Variants in SUSD4 observed in about 807,000 individuals in gnomAD.
SUSD4 encodes the protein sushi domain containing 4.
In SUSD4, 41 loss-of-function variants were observed where a neutral mutation model predicts 50.5. The ratio of observed to expected loss-of-function variants is 0.81; its 90% confidence interval spans 0.63 to 1.05. The LOEUF (loss-of-function observed/expected upper bound fraction) is 1.05, where lower values mean the gene tolerates loss of function less well. SUSD4 is among the 50% of genes least tolerant of loss of function. The pLI, the probability that SUSD4 is intolerant of heterozygous loss-of-function variation, is 0.00. For synonymous variants in SUSD4, 257 were observed against 257.3 expected, an observed-to-expected ratio of 1.00 and a Z score of 0.01; for missense variants, 580 against 634.7, an observed-to-expected ratio of 0.91 and a Z score of 0.93.
intron 2 of SUSD4, among the ~76,000 whole-genome samples, chr1:223,346,776 A>G (rs759450081): frequency 6.6e-6 from 1 of 152,238 alleles, no homozygotes; most frequent in Non-Finnish European, 1.5e-5. Flanking sequence ...CAAGTAATTG[A>G]TAAATGCTAC....
intron 3 of SUSD4, among the ~76,000 whole-genome samples, chr1:223,289,606 G>A (rs1664355589): frequency 6.6e-6 from 1 of 152,220 alleles, no homozygotes; most frequent in South Asian, 2.1e-4. Flanking sequence ...GACCCATGGT[G>A]TGAAAGGAGT....
At chr1:223,246,510 A>G (rs1275659401) in intron 5 of SUSD4, among the ~76,000 whole-genome samples, 1 of 150,724 alleles carries the variant, frequency 6.6e-6, no homozygotes. Flanking sequence ...AGACGTTGGC[A>G]GGAGTGGTTC....
At chr1:223,284,582 A>G (rs1375581359) in intron 3 of SUSD4, among the ~76,000 whole-genome samples, 1 of 152,240 alleles carries the variant, frequency 6.6e-6, no homozygotes, top group Admixed American at 6.5e-5. Context: ...CACTATTCAC[A>G]ATAGCCAAGA....
intron 5 of SUSD4, among the ~76,000 whole-genome samples, chr1:223,233,586 G>A (rs1045413123): frequency 3.9e-5 from 6 of 152,108 alleles, no homozygotes; most frequent in African/African-American, 1.4e-4. Flanking sequence ...ACACCCAGAG[G>A]CCTCAGACAC....
intron 3 of SUSD4, among the ~76,000 whole-genome samples, chr1:223,283,909 G>C (rs1357480921): frequency 6.6e-6 from 1 of 152,098 alleles, no homozygotes; most frequent in Non-Finnish European, 1.5e-5. Context: ...CCATAAAAAA[G>C]GATGAGTTCA....
chr1:223,223,523 T>A lies in SUSD4; in HGVS notation c.1170A>T (p.Leu390Phe), dbSNP rs1052493069. The change falls in exon 8 of 9, where the codon TTA becomes TTT. Residue 390 changes from leucine (L) to phenylalanine (F), a missense_variant. Leu to Phe is a conservative substitution (Grantham distance 22). Coordinates refer to ENST00000366878, the MANE Select transcript of SUSD4 (RefSeq NM_017982.4). ...CCACAGAGGCCATGTACCCGGGGCC[T>A]AAGGCACTCAAGCCGCCACTCACAG... The part of the protein sequence containing the change: ...DEAVSGGLSA[L>F]GPGYMASVGQ... 2.5e-6 allele frequency: 4 copies of A among 1,612,440 alleles called. No homozygotes were observed. In the African/African-American group the frequency reaches 5.3e-5, roughly 22 times the overall value.
chr1:223,293,202 A>G (rs372398406), intron 2 of SUSD4, among the ~76,000 whole-genome samples: 2 of 152,070 alleles, frequency 1.3e-5, no homozygotes, highest in Non-Finnish European at 2.9e-5. Context: ...GTGGCTGGGA[A>G]TGCCCTTCCT....
At chr1:223,340,950 T>C (rs1572097233) in intron 2 of SUSD4, among the ~76,000 whole-genome samples, 5 of 152,364 alleles carry the variant, frequency 3.3e-5, no homozygotes, top group Admixed American at 3.3e-4. Flanking sequence ...TTTAATGTGG[T>C]TTGCATGTTA....
chr1:223,354,689 CAG>C (rs1668560052), intron 2 of SUSD4, among the ~76,000 whole-genome samples: 2 of 152,184 alleles, frequency 1.3e-5, no homozygotes, highest in African/African-American at 2.4e-5. Flanking sequence ...CATTGACACT[CAG>C]AGTTGGTTAA....
At chr1:223,316,239 T>C (rs1450496548) in intron 2 of SUSD4, among the ~76,000 whole-genome samples, 3 of 152,110 alleles carry the variant, frequency 2.0e-5, no homozygotes, top group Non-Finnish European at 2.9e-5. Context: ...AGAAACTTCA[T>C]TGGTGCATTT....
At chr1:223,276,606 A>G (rs1244331851) in intron 3 of SUSD4, among the ~76,000 whole-genome samples, 7 of 152,338 alleles carry the variant, frequency 4.6e-5, no homozygotes, top group African/African-American at 1.7e-4. Context: ...GTCTGGCCAC[A>G]TTTAAGTTAA....
chr1:223,297,800 C>T (rs1039315646), intron 2 of SUSD4, among the ~76,000 whole-genome samples: 2 of 152,188 alleles, frequency 1.3e-5, no homozygotes, highest in African/African-American at 4.8e-5. Context: ...TTCTTCACCT[C>T]CTCAGCATCT....
At chr1:223,355,325 C>T (rs916136139) in intron 2 of SUSD4, among the ~76,000 whole-genome samples, 4 of 151,902 alleles carry the variant, frequency 2.6e-5, no homozygotes, top group African/African-American at 4.8e-5. Flanking sequence ...CCACCTGCCT[C>T]GGTCTCCCAA....
intron 2 of SUSD4, among the ~76,000 whole-genome samples, chr1:223,342,165 T>A (rs113752224): frequency 5.5e-4 from 84 of 152,208 alleles, no homozygotes; most frequent in African/African-American, 2.0e-3. Context: ...AAGACAGAGA[T>A]CCTCAAAGGG....
intron 5 of SUSD4, among the ~76,000 whole-genome samples, chr1:223,260,287 T>A (rs1027014570): frequency 6.6e-6 from 1 of 152,254 alleles, no homozygotes. Flanking sequence ...CCTTTCTTTG[T>A]AATTCCCCAG....
chr1:223,264,886 G>C (rs1662381783), intron 4 of SUSD4, 68 bp from the exon 5 acceptor site: 2 of 1,493,814 alleles, frequency 1.3e-6, no homozygotes, highest in East Asian at 2.3e-5. Context: ...AAGTCACACA[G>C]AACACTGGAA....
chr1:223,317,809 T>C (rs1666293618), intron 2 of SUSD4, among the ~76,000 whole-genome samples: 1 of 149,948 alleles, frequency 6.7e-6, no homozygotes. Context: ...CTGACTTCAC[T>C]GGGAGCTCGT....
chr1:223,353,341 C>T (rs1001069201), intron 2 of SUSD4, among the ~76,000 whole-genome samples: 1 of 152,166 alleles, frequency 6.6e-6, no homozygotes, highest in Admixed American at 6.5e-5. Flanking sequence ...GCAAAAATAG[C>T]CCTATGTGCA....
chr1:223,315,866 C>T (rs1163213079), intron 2 of SUSD4, among the ~76,000 whole-genome samples: 1 of 152,174 alleles, frequency 6.6e-6, no homozygotes, highest in African/African-American at 2.4e-5. Flanking sequence ...GAGGAAGAGA[C>T]TGCTGATTAG....
Sources: gnomAD v4.1 joint callset for allele counts (sites outside exome capture counted in the v4.1 genomes callset) on GRCh38, gnomAD v4.1.1 for gene constraint, MANE v1.5 for transcripts, NCBI Gene and HGNC (gene_info 2026-07-23, HGNC 2026-07-21) for gene names.